The following NEMP2 variants were observed in gnomAD, a reference collection of about 807,000 sequenced individuals.
NEMP2 encodes nuclear envelope integral membrane protein 2, also known as UPF0571 transmembrane protein.
Under a neutral mutation model 54.2 loss-of-function variants are expected in NEMP2, and 53 were observed. The observed-to-expected ratio is 0.98, with a 90% CI of 0.78 to 1.23. NEMP2 has a LOEUF of 1.23. NEMP2 is among the 50% of genes most tolerant of loss of function. NEMP2 has a pLI of 0.00. For missense variants in NEMP2, 455 were observed against 511.3 expected (o/e 0.89, Z 1.06); for synonymous variants, 197 against 190.3 (o/e 1.04, Z -0.29).
the NEMP2 span, among the ~76,000 whole-genome samples, chr2:190,566,688 AAGGAAGGAGAG>A: frequency 9.2e-4 from 137 of 149,424 alleles, no homozygotes; most frequent in African/African-American, 3.2e-3. Context: ...AGGAAGAAGG[AAGGAAGGAGAG>A]AGGAAGGAGG....
At chr2:190,648,434 C>G in the NEMP2 span, 5 of 152,160 alleles carry the variant, frequency 3.3e-5, no homozygotes, top group African/African-American at 9.7e-5. Context: ...CCTCGCCCCC[C>G]CGGGCAGGGG....
chr2:190,642,524 C>A, the NEMP2 span, among the ~76,000 whole-genome samples: 2 of 152,012 alleles, frequency 1.3e-5, no homozygotes, highest in East Asian at 1.9e-4. This position sits in a 1 kb window ranked among gnomAD's most constrained non-coding sequence, Gnocchi z 4.1. Context: ...ATTAACTTGT[C>A]TTTAAGAAAC....
chr2:190,464,593 T>C, the NEMP2 span, among the ~76,000 whole-genome samples: 1 of 152,184 alleles, frequency 6.6e-6, no homozygotes, highest in Non-Finnish European at 1.5e-5. Flanking sequence ...CCTTGTTCGC[T>C]TTGTTTCCTC....
chr2:190,481,920 A>G, the NEMP2 span, among the ~76,000 whole-genome samples: 6 of 152,216 alleles, frequency 3.9e-5, no homozygotes, highest in Non-Finnish European at 7.3e-5. Context: ...CAACTCTGAC[A>G]GAGAGACTGG....
Position 190,519,846 on chromosome 2 carries a change from T to C in NEMP2, c.214-663A>G, listed in dbSNP as rs971429079. On this transcript the variant is annotated intron_variant, in intron 2 of 8. Transcript: ENST00000409150. The surrounding 1 kb of genome is among the most constrained non-coding windows in gnomAD (Gnocchi z 5.4). ...CTGTGCTTTGCAGATAGTGCATTTC[T>C]TACAAACGGAAGGTTTGTGCAACTC... Among the ~76,000 whole-genome samples the C allele has an allele frequency of 3.3e-5, 5 of 152,228 alleles. No individual in the cohort carries two copies. The highest frequency in any genetic ancestry group is 7.3e-5 in the Non-Finnish European group (5 of 68,050).
the NEMP2 span, chr2:190,488,746 C>T: frequency 1.9e-5 from 31 of 1,610,564 alleles, no homozygotes; most frequent in Non-Finnish European, 2.0e-5. This position sits in a 1 kb window ranked among gnomAD's most constrained non-coding sequence, Gnocchi z 6.4. Flanking sequence ...TCAGGGCATC[C>T]TGCAGGGCCT....
chr2:190,622,685 A>G, the NEMP2 span, among the ~76,000 whole-genome samples: 1 of 152,178 alleles, frequency 6.6e-6, no homozygotes, highest in Non-Finnish European at 1.5e-5. Context: ...TTTGTGCTTC[A>G]ATAAAGGGAA....
rs1690182482 is a variant in NEMP2 at position 190,506,167 on chromosome 2, T to C, written c.*3022A>G. On this transcript the variant is annotated 3_prime_UTR_variant, in exon 9 of 9. Transcript: ENST00000409150. This position sits in a 1 kb window ranked among gnomAD's most constrained non-coding sequence, Gnocchi z 6.3. ...GGTGCAATAACAAAAAGCAGGGTTC[T>C]AAGTCAATAAGGCTAACAGTCACAC... The C allele has an allele frequency of 6.6e-6, 1 of 152,234 alleles. No homozygotes were observed. The highest frequency in any genetic ancestry group is 2.4e-5 in the African/African-American group (1 of 41,454). The allele number at this position is 152,234 out of a possible 1,614,324, so 9.4% of individuals were successfully genotyped here. A position where few individuals can be genotyped will look rare whatever the true frequency, so the allele number is the denominator to read the frequency against.
the NEMP2 span, among the ~76,000 whole-genome samples, chr2:190,635,097 T>G: frequency 6.6e-6 from 1 of 152,264 alleles, no homozygotes; most frequent in Non-Finnish European, 1.5e-5. This position sits in a 1 kb window ranked among gnomAD's most constrained non-coding sequence, Gnocchi z 4.1. Flanking sequence ...ATCCCTTGAA[T>G]AGCTTGCCTG....
Position 190,514,372 on chromosome 2 carries a change from T to A in NEMP2, c.953+81A>T. 1 of 1,233,706 alleles carries A rather than the reference T, an allele frequency of 8.1e-7. No homozygotes were observed. The highest frequency in any genetic ancestry group is 1.2e-6 in the Non-Finnish European group (1 of 863,220). 76.4% of individuals were successfully genotyped at this position (1,233,706 alleles called of 1,614,324 possible). On this transcript the variant is annotated intron_variant, in intron 7 of 8. Transcript: ENST00000409150. The surrounding 1 kb of genome is among the most constrained non-coding windows in gnomAD (Gnocchi z 5.7). Reference sequence around the variant, plus strand: ...ATCAAATGTAATTATGAGATTAACATGATGTGTGCAAACACTCTCCCAAAT... The same window carrying A: ...ATCAAATGTAATTATGAGATTAACAAGATGTGTGCAAACACTCTCCCAAAT...
chr2:190,572,922 C>A, the NEMP2 span, among the ~76,000 whole-genome samples: 626 of 139,776 alleles, frequency 4.5e-3, 6 homozygotes, highest in African/African-American at 0.016. Context: ...GATGAATTCC[C>A]AGAACTAGGA....
chr2:190,545,803 T>C, the NEMP2 span, among the ~76,000 whole-genome samples: 3 of 152,220 alleles, frequency 2.0e-5, no homozygotes, highest in Non-Finnish European at 2.9e-5. Context: ...TTTCTTTTTC[T>C]TTTTTAAAGT....
At chr2:190,597,604 A>G in the NEMP2 span, among the ~76,000 whole-genome samples, 1 of 152,192 alleles carries the variant, frequency 6.6e-6, no homozygotes, top group Non-Finnish European at 1.5e-5. The surrounding 1 kb of genome is among the most constrained non-coding windows in gnomAD (Gnocchi z 4.7). Context: ...AATGTACAGT[A>G]AAAACTTCCA....
chr2:190,469,874 T>G, the NEMP2 span: 4 of 1,535,182 alleles, frequency 2.6e-6, no homozygotes, highest in African/African-American at 5.5e-5. The surrounding 1 kb of genome is among the most constrained non-coding windows in gnomAD (Gnocchi z 5.3). Context: ...ACAGCTGGGA[T>G]TGAAATTATT....
Position 190,510,264 on chromosome 2 carries a change from GTCTATT to G in NEMP2, c.1130+91_1130+96del. On this transcript the variant is annotated intron_variant, in intron 8 of 8. Coordinates refer to ENST00000409150, the MANE Select transcript of NEMP2 (RefSeq NM_001142645.2). This position sits in a 1 kb window ranked among gnomAD's most constrained non-coding sequence, Gnocchi z 5.7. The stretch of plus-strand genomic sequence containing the variant: ...ACATCATCTGTTATCCAGGGAAACA[GTCTATT>G]TCTACCCTGAAGTGCCTGTACCAAA... 1 of 1,389,080 alleles carries G rather than the reference GTCTATT, an allele frequency of 7.2e-7. No individual in the cohort carries two copies. The highest frequency in any genetic ancestry group is 1.4e-5 in the South Asian group (1 of 72,418). 86.0% of individuals were successfully genotyped at this position (1,389,080 alleles called of 1,614,324 possible).
Position 190,520,308 on chromosome 2 carries a change from G to C in NEMP2, c.214-1125C>G, listed in dbSNP as rs902821464. ...TCTCACCATGCCTGCTAAAGGACCAGATCCCAACCTCAGGTCCTATTCACA... is the reference window on the plus strand; with the variant it reads ...TCTCACCATGCCTGCTAAAGGACCACATCCCAACCTCAGGTCCTATTCACA... On this transcript the variant is annotated intron_variant, in intron 2 of 8. Coordinates refer to ENST00000409150, the MANE Select transcript of NEMP2 (RefSeq NM_001142645.2). The surrounding 1 kb of genome is among the most constrained non-coding windows in gnomAD (Gnocchi z 5.4). Among the ~76,000 whole-genome samples, 3 of 152,162 alleles carry C rather than the reference G, an allele frequency of 2.0e-5. No homozygotes were observed. The highest frequency in any genetic ancestry group is 6.5e-5 in the Admixed American group (1 of 15,274).
the NEMP2 span, among the ~76,000 whole-genome samples, chr2:190,438,372 C>T: frequency 8.5e-5 from 13 of 152,148 alleles, no homozygotes; most frequent in Admixed American, 2.6e-4. This position sits in a 1 kb window ranked among gnomAD's most constrained non-coding sequence, Gnocchi z 5.2. Context: ...AAAAGTTAGC[C>T]GGGCATGGTG....
At chr2:190,494,768 A>G in the NEMP2 span, among the ~76,000 whole-genome samples, 1 of 152,322 alleles carries the variant, frequency 6.6e-6, no homozygotes, top group Admixed American at 6.5e-5. This position sits in a 1 kb window ranked among gnomAD's most constrained non-coding sequence, Gnocchi z 5.7. Context: ...ATCTCAGTAG[A>G]CGCAGAAAAA....
the NEMP2 span, among the ~76,000 whole-genome samples, chr2:190,460,182 A>G: frequency 6.6e-6 from 1 of 152,164 alleles, no homozygotes; most frequent in Admixed American, 6.5e-5. Context: ...CTCCAAATAA[A>G]CAAACTGTAA....
Sources: gnomAD v4.1 joint callset for allele counts (sites outside exome capture counted in the v4.1 genomes callset) on GRCh38, gnomAD v4.1.1 for gene constraint, Gnocchi (gnomAD v3.1) non-coding constraint, MANE v1.5 for transcripts, NCBI Gene and HGNC (gene_info 2026-07-23, HGNC 2026-07-21) for gene names.